ADAP1: variants seen among roughly 807,000 people sequenced by gnomAD.
ADAP1 encodes ArfGAP with dual PH domains 1.
In ADAP1, 31 loss-of-function variants were observed where a neutral mutation model predicts 54.9. The observed-to-expected ratio is 0.56, with a 90% CI of 0.42 to 0.76. The LOEUF is 0.76. Ranked by LOEUF, ADAP1 falls within the 30% of genes least tolerant of loss-of-function variation. ADAP1 has a pLI of 0.00. For synonymous variants in ADAP1, 313 were observed against 202.6 expected (o/e 1.55, Z -4.63); for missense variants, 535 against 512.4 (o/e 1.04, Z -0.42).
intron 4 of ADAP1, 168 bp from the exon 5 acceptor site, chr7:905,340 G>C (rs1845087460): frequency 4.1e-6 from 2 of 488,370 alleles, no homozygotes; most frequent in Non-Finnish European, 7.4e-6. Flanking sequence ...AGGAGACAGG[G>C]AGATAGGAAG....
Position 931,407 on chromosome 7 carries a change from G to T in ADAP1, c.213+3968C>A, listed in dbSNP as rs895639646. 2.6e-5 allele frequency among the ~76,000 whole-genome samples: 4 copies of T among 152,180 alleles called. No homozygotes were observed. In the East Asian group the frequency reaches 7.7e-4, roughly 29 times the overall value. ...CATGTTCTCCGGCCTTGAAAGGAACGAAGCTGTCACACAGGCTGCAGCGTG... is the reference window on the plus strand; with the variant it reads ...CATGTTCTCCGGCCTTGAAAGGAACTAAGCTGTCACACAGGCTGCAGCGTG... On this transcript the variant is annotated intron_variant, in intron 2 of 10. Transcript: ENST00000265846.
chr7:905,357 A>AGGGAAAG lies in ADAP1; in HGVS notation c.389-192_389-186dup, dbSNP rs1491379156. The AGGGAAAG allele has an allele frequency of 1.8e-3, 234 of 130,870 alleles. 7 individuals are homozygous for AGGGAAAG. Among genetic ancestry groups the AGGGAAAG allele is most frequent in the Admixed American group, 2.7e-3 (17 of 6,284 alleles). The allele number at this position is 130,870 out of a possible 1,614,324, so 8.1% of individuals were successfully genotyped here. A position where few individuals can be genotyped will look rare whatever the true frequency, so the allele number is the denominator to read the frequency against. Reference sequence around the variant, plus strand: ...GAGACAGGGAGATAGGAAGATGGGCAGGGAAAGGGAAAGGGAAAGGAGAAA... The same window carrying AGGGAAAG: ...GAGACAGGGAGATAGGAAGATGGGCAGGGAAAGGGGAAAGGGAAAGGGAAAGGAGAAA... On this transcript the variant is annotated intron_variant, in intron 4 of 10. Transcript: ENST00000265846.
chr7:943,817 G>A (rs1341421051), intron 1 of ADAP1, among the ~76,000 whole-genome samples: 3 of 132,114 alleles, frequency 2.3e-5, no homozygotes, highest in East Asian at 4.7e-4. Context: ...AGAGGAGGAC[G>A]AAGGGAGAGA....
At position 905,130 on chromosome 7, in the gene ADAP1, C is replaced by G; in HGVS notation, c.431G>C (p.Gly144Ala). The change falls in exon 5 of 11, where the codon GGG becomes GCG. Residue 144 changes from glycine (G) to alanine (A), a missense_variant. Physicochemically the swap from Gly to Ala is moderately conservative, Grantham distance 60. Coordinates refer to ENST00000265846, the MANE Select transcript of ADAP1 (RefSeq NM_006869.4). ...CACAAACTTCCGGCTCAAAAACTGCCCGTTGTCCCGGCCACGCTTCCAGAG... is the reference window on the plus strand; with the variant it reads ...CACAAACTTCCGGCTCAAAAACTGCGCGTTGTCCCGGCCACGCTTCCAGAG... ...GFLWKRGRDN[G>A]QFLSRKFVLT... 1.9e-6 allele frequency: 3 copies of G among 1,612,430 alleles called. No homozygotes were observed. The highest frequency in any genetic ancestry group is 2.5e-6 in the Non-Finnish European group (3 of 1,179,894).
chr7:909,749 G>C (rs1314802965), intron 4 of ADAP1, among the ~76,000 whole-genome samples: 2 of 152,234 alleles, frequency 1.3e-5, no homozygotes, highest in Non-Finnish European at 2.9e-5. Context: ...TCTCTTAAAG[G>C]ACTCGTGAGT....
rs1554271861 is a variant in ADAP1, at chr7:905,557, A to AGAAG, written c.389-386_389-385insCTTC. Reference sequence around the variant, plus strand: ...AGAAGGGAGAAGGGAGAAGGGAGAAAGGAGAAAGGAGAAAGGAGAAAGGAG... The same window carrying AGAAG: ...AGAAGGGAGAAGGGAGAAGGGAGAAAGAAGGGAGAAAGGAGAAAGGAGAAAGGAG... On this transcript the variant is annotated intron_variant, in intron 4 of 10. Transcript: ENST00000265846. 97 of 23,284 alleles carry AGAAG rather than the reference A, an allele frequency of 4.2e-3. 2 individuals are homozygous for AGAAG. The highest frequency in any genetic ancestry group is 6.4e-3 in the South Asian group (3 of 470). 1.4% of individuals were successfully genotyped at this position (23,284 alleles called of 1,614,324 possible). A position where few individuals can be genotyped will look rare whatever the true frequency, so the allele number is the denominator to read the frequency against.
intron 1 of ADAP1, among the ~76,000 whole-genome samples, chr7:943,700 GGAGGAAGGGAGA>G (rs1847058209): frequency 2.0e-4 from 2 of 9,934 alleles, no homozygotes; most frequent in South Asian, 0.014. Flanking sequence ...AAGGGAGCGA[GGAGGAAGGGAGA>G]GAGGAGGAAG....
intron 5 of ADAP1, 150 bp from the exon 6 acceptor site, chr7:904,422 C>CG (rs1844989548): frequency 1.0e-6 from 1 of 978,524 alleles, no homozygotes; most frequent in East Asian, 2.9e-5. Flanking sequence ...CTTGGCCTCC[C>CG]GGTCTGTAAG....
chr7:925,125 C>T (rs369426381), intron 3 of ADAP1, among the ~76,000 whole-genome samples: 71 of 152,176 alleles, frequency 4.7e-4, no homozygotes, highest in African/African-American at 1.7e-3. Flanking sequence ...ATCAAGAAAA[C>T]GCCTGCCAAG....
At chr7:921,033 T>C (rs117545108) in intron 3 of ADAP1, 14,066 of 611,550 alleles carry the variant, frequency 0.023, 484 homozygotes, top group East Asian at 0.13. Flanking sequence ...CAGGTGTGTG[T>C]GTGTCCCCCA....
Position 906,574 on chromosome 7 carries a change from G to GA in ADAP1, c.389-1403_389-1402insT, listed in dbSNP as rs752776795. On this transcript the variant is annotated intron_variant, in intron 4 of 10. Transcript: ENST00000265846. ...AAAGGGAGAAAGGGAAAGGAGAAAGGGAAAGGAGAAAGGAGAAAGGAGAAG... is the reference window on the plus strand; with the variant it reads ...AAAGGGAGAAAGGGAAAGGAGAAAGGAGAAAGGAGAAAGGAGAAAGGAGAAG... 9.9e-4 allele frequency among the ~76,000 whole-genome samples: 20 copies of GA among 20,162 alleles called. 1 individual carries two copies. Among genetic ancestry groups the GA allele is most frequent in the South Asian group, 1.7e-3 (1 of 604 alleles). 13.2% of individuals were successfully genotyped at this position (20,162 alleles called of 152,430 possible). A position where few individuals can be genotyped will look rare whatever the true frequency, so the allele number is the denominator to read the frequency against.
intron 4 of ADAP1, among the ~76,000 whole-genome samples, chr7:913,198 CTTTTTT>C (rs10698107): frequency 2.9e-5 from 3 of 104,212 alleles, no homozygotes; most frequent in East Asian, 2.8e-4. Context: ...CCTCCCCTTC[CTTTTTT>C]TTTTTTTTTT....
chr7:949,650 G>C (rs1398242222), intron 1 of ADAP1, among the ~76,000 whole-genome samples: 1 of 152,230 alleles, frequency 6.6e-6, no homozygotes, highest in Non-Finnish European at 1.5e-5. Context: ...CACAGCTCCG[G>C]TGCATTTGGA....
intron 1 of ADAP1, among the ~76,000 whole-genome samples, chr7:937,254 G>A (rs1272657412): frequency 2.4e-5 from 1 of 42,426 alleles, no homozygotes; most frequent in Non-Finnish European, 4.5e-5. Flanking sequence ...TGGGGGTCAC[G>A]CCCGACCTCT....
At chr7:906,498 A>G (rs868081381) in intron 4 of ADAP1, among the ~76,000 whole-genome samples, 205 of 6,374 alleles carry the variant, frequency 0.032, no homozygotes, top group Non-Finnish European at 0.037. Flanking sequence ...AAGGGAAAGG[A>G]GAAAGGGAGA....
intron 2 of ADAP1, among the ~76,000 whole-genome samples, chr7:927,665 A>G (rs1431101955): frequency 6.6e-6 from 1 of 152,152 alleles, no homozygotes; most frequent in Non-Finnish European, 1.5e-5. Context: ...TTTTCCATAG[A>G]AAACTCAAAT....
chr7:927,331 A>G, intron 2 of ADAP1: 3 of 1,025,788 alleles, frequency 2.9e-6, no homozygotes, highest in Non-Finnish European at 3.9e-6. Context: ...CTGAGGGTGG[A>G]CGCTGGCAAT....
At chr7:936,802 G>T (rs978437561) in intron 1 of ADAP1, among the ~76,000 whole-genome samples, 1 of 152,244 alleles carries the variant, frequency 6.6e-6, no homozygotes, top group Non-Finnish European at 1.5e-5. Flanking sequence ...AAGCAGGTGC[G>T]GCTGTGGACC....
intron 4 of ADAP1, among the ~76,000 whole-genome samples, chr7:917,720 G>A (rs1032699318): frequency 6.6e-6 from 1 of 152,100 alleles, no homozygotes; most frequent in African/African-American, 2.4e-5. Context: ...CGCCCGCCTA[G>A]GCCTCCCAAG....
Sources: gnomAD v4.1 joint callset for allele counts (sites outside exome capture counted in the v4.1 genomes callset) on GRCh38, gnomAD v4.1.1 for gene constraint, MANE v1.5 for transcripts, NCBI Gene and HGNC (gene_info 2026-07-23, HGNC 2026-07-21) for gene names.